Variants in MGAT4C observed in about 807,000 individuals in gnomAD.
MGAT4C encodes the protein MGAT4 family member C, also known as alpha-1,3-mannosyl-glycoprotein 4-beta-N-acetylglucosaminyltransferase C.
In MGAT4C, 19 loss-of-function variants were observed where a neutral mutation model predicts 40.1. The observed-to-expected ratio is 0.47, with a 90% CI of 0.33 to 0.70. MGAT4C has a LOEUF of 0.70. Among genes scored for constraint, MGAT4C ranks in the 30% least tolerant of loss-of-function variants. The pLI is 0.02. For missense variants in MGAT4C, 491 were observed against 563.2 expected (o/e 0.87, Z 1.30); for synonymous variants, 181 against 187.1 (o/e 0.97, Z 0.27).
rs1425662876 is a variant in MGAT4C at position 85,966,726 on chromosome 12, A to T, written c.*12563T>A. The T allele has an allele frequency of 1.3e-5, 2 of 152,206 alleles. No individual in the cohort carries two copies. Among genetic ancestry groups the T allele is most frequent in the African/African-American group, 4.8e-5 (2 of 41,464 alleles). The allele number at this position is 152,206 out of a possible 1,614,324, so 9.4% of individuals were successfully genotyped here. A position where few individuals can be genotyped will look rare whatever the true frequency, so the allele number is the denominator to read the frequency against. On this transcript the variant is annotated 3_prime_UTR_variant, in exon 5 of 5. Transcript: ENST00000611864. Reference sequence around the variant, plus strand: ...ATGGAATACTATGCAGCCATAAAAAATGATGAGTTCATGTCCTTTGTAGGG... The same window carrying T: ...ATGGAATACTATGCAGCCATAAAAATTGATGAGTTCATGTCCTTTGTAGGG...
chr12:86,618,506 G>T (rs1327893812), intron 2 of MGAT4C, among the ~76,000 whole-genome samples: 1 of 152,134 alleles, frequency 6.6e-6, no homozygotes, highest in Non-Finnish European at 1.5e-5. Context: ...AACAGTGAAT[G>T]AAATTTTGTC....
intron 1 of MGAT4C, among the ~76,000 whole-genome samples, chr12:86,106,500 TC>T (rs1264471786): frequency 2.0e-5 from 3 of 152,126 alleles, no homozygotes; most frequent in Non-Finnish European, 4.4e-5. Flanking sequence ...AGACAGGGTT[TC>T]CCCATCTTAT....
chr12:86,510,312 G>T (rs1289591558), intron 2 of MGAT4C, among the ~76,000 whole-genome samples: 1 of 152,050 alleles, frequency 6.6e-6, no homozygotes, highest in Non-Finnish European at 1.5e-5. Flanking sequence ...TCACCAACAG[G>T]CCTGCTCTAA....
intron 1 of MGAT4C, among the ~76,000 whole-genome samples, chr12:86,837,553 GTACACCATGCTCCAGGTCAAATA>G (rs745807591): frequency 1.6e-4 from 24 of 151,956 alleles, no homozygotes; most frequent in Non-Finnish European, 2.8e-4. Flanking sequence ...ACAGCAGCAG[GTACACCATGCTCCAGGTCAAATA>G]TACACCATGC....
intron 1 of MGAT4C, among the ~76,000 whole-genome samples, chr12:86,830,695 T>C (rs1952906608): frequency 6.7e-6 from 1 of 149,712 alleles, no homozygotes; most frequent in South Asian, 2.1e-4. Flanking sequence ...TCTGCCTCTA[T>C]ATTACAAGAT....
intron 2 of MGAT4C, among the ~76,000 whole-genome samples, chr12:86,450,907 T>C (rs1023821313): frequency 2.0e-5 from 3 of 152,178 alleles, no homozygotes; most frequent in African/African-American, 7.2e-5. Flanking sequence ...TATGAGTAGA[T>C]ATATTGCAAT....
chr12:86,228,292 C>A (rs1951177275), intron 1 of MGAT4C, among the ~76,000 whole-genome samples: 1 of 151,680 alleles, frequency 6.6e-6, no homozygotes, highest in Non-Finnish European at 1.5e-5. Flanking sequence ...AATCAGTATT[C>A]CTCAGGGAAG....
intron 1 of MGAT4C, among the ~76,000 whole-genome samples, chr12:86,122,424 A>G (rs1448370720): frequency 1.3e-5 from 2 of 152,114 alleles, no homozygotes; most frequent in Non-Finnish European, 2.9e-5. Flanking sequence ...CATTTTCCTT[A>G]TACACTTTTA....
At chr12:86,074,817 T>C (rs1410037487) in intron 1 of MGAT4C, among the ~76,000 whole-genome samples, 3 of 152,058 alleles carry the variant, frequency 2.0e-5, no homozygotes, top group Non-Finnish European at 2.9e-5. Context: ...AAGCATCAGA[T>C]CTCGTGAGAC....
chr12:86,185,383 T>C lies in MGAT4C; in HGVS notation c.-57+70856A>G, dbSNP rs536687312. ...CATTGTAGGCAATTCCCAAAGTTTA[T>C]TGAGAACAGTTTAGTACTTGTATTT... On this transcript the variant is annotated intron_variant, in intron 1 of 4. Coordinates refer to ENST00000611864, the MANE Select transcript of MGAT4C (RefSeq NM_001351288.2). Among the ~76,000 whole-genome samples, 8 of 152,302 alleles carry C rather than the reference T, an allele frequency of 5.3e-5. No homozygotes were observed. In the South Asian group the frequency reaches 1.0e-3, roughly 20 times the overall value.
chr12:86,422,451 T>C (rs1956845789), intron 3 of MGAT4C, among the ~76,000 whole-genome samples: 1 of 152,052 alleles, frequency 6.6e-6, no homozygotes, highest in Non-Finnish European at 1.5e-5. Context: ...TTTGGAAAAA[T>C]ATCATTTTTC....
At chr12:86,826,973 T>C (rs1235027178) in intron 1 of MGAT4C, among the ~76,000 whole-genome samples, 1 of 151,518 alleles carries the variant, frequency 6.6e-6, no homozygotes, top group African/African-American at 2.4e-5. Flanking sequence ...TAATCCCTTA[T>C]ACTTCTAACA....
intron 1 of MGAT4C, among the ~76,000 whole-genome samples, chr12:86,121,159 A>G (rs903712902): frequency 3.9e-5 from 6 of 152,238 alleles, no homozygotes; most frequent in African/African-American, 1.4e-4. Context: ...ATTGAAGATC[A>G]AATGAATGAA....
At chr12:86,344,033 A>G (rs1222652876) in intron 3 of MGAT4C, among the ~76,000 whole-genome samples, 1 of 152,174 alleles carries the variant, frequency 6.6e-6, no homozygotes, top group Admixed American at 6.6e-5. Context: ...TTCTGTCACT[A>G]GTTCTAAGCT....
chr12:86,483,365 T>G (rs1475799973), intron 2 of MGAT4C, among the ~76,000 whole-genome samples: 1 of 152,126 alleles, frequency 6.6e-6, no homozygotes, highest in Non-Finnish European at 1.5e-5. Flanking sequence ...TAATTCCTCT[T>G]TATAGAGGCT....
At chr12:86,489,190 G>A (rs1958081516) in intron 2 of MGAT4C, among the ~76,000 whole-genome samples, 1 of 152,152 alleles carries the variant, frequency 6.6e-6, no homozygotes, top group African/African-American at 2.4e-5. Context: ...GACAGTGGCT[G>A]GTTGAGGCAA....
At chr12:86,611,238 A>G (rs965003506) in intron 2 of MGAT4C, among the ~76,000 whole-genome samples, 3 of 152,136 alleles carry the variant, frequency 2.0e-5, no homozygotes, top group Non-Finnish European at 4.4e-5. Context: ...AAACATTTTG[A>G]AATAATTGTT....
intron 2 of MGAT4C, among the ~76,000 whole-genome samples, chr12:86,588,284 A>C (rs1053985735): frequency 3.3e-5 from 5 of 151,898 alleles, no homozygotes; most frequent in Admixed American, 1.3e-4. Context: ...TTTAAACCAA[A>C]AAAGATCAAA....
intron 2 of MGAT4C, among the ~76,000 whole-genome samples, chr12:86,577,407 G>A (rs961027517): frequency 1.3e-5 from 2 of 151,892 alleles, no homozygotes; most frequent in East Asian, 3.9e-4. Context: ...AAAGCTTTCA[G>A]TTTTTCCCCT....
Sources: gnomAD v4.1 joint callset for allele counts (sites outside exome capture counted in the v4.1 genomes callset) on GRCh38, gnomAD v4.1.1 for gene constraint, MANE v1.5 for transcripts, NCBI Gene and HGNC (gene_info 2026-07-23, HGNC 2026-07-21) for gene names.